CDK6: variants seen among roughly 807,000 people sequenced by gnomAD.
CDK6 encodes cyclin dependent kinase 6, also known as cyclin-dependent kinase 6.
Under a neutral mutation model 37.1 loss-of-function variants are expected in CDK6, and 6 were observed. The ratio of observed to expected loss-of-function variants is 0.16; its 90% CI spans 0.09 to 0.32. CDK6 has a LOEUF of 0.32. Ranked by LOEUF, CDK6 falls within the 10% of genes least tolerant of loss-of-function variation. CDK6 has a pLI of 1.00. For missense variants in CDK6, 224 were observed against 418.9 expected (o/e 0.53, Z 4.06); for synonymous variants, 160 against 161.3 (o/e 0.99, Z 0.06).
Position 92,613,756 on chromosome 7 carries a change from C to A in CDK6, c.*1384G>T, listed in dbSNP as rs2116473066. 4.3e-6 allele frequency: 1 copy of A among 233,054 alleles called. No individual in the cohort carries two copies. The highest frequency in any genetic ancestry group is 5.6e-5 in the Admixed American group (1 of 17,794). 14.4% of individuals were successfully genotyped at this position (233,054 alleles called of 1,614,324 possible). ...TAATTCACAAAGTAACAGTTTATAG[C>A]AATCTGTGTGCTGGTGATAAAACAA... On this transcript the variant is annotated 3_prime_UTR_variant, in exon 8 of 8. Coordinates refer to ENST00000424848, the MANE Select transcript of CDK6 (RefSeq NM_001145306.2).
intron 4 of CDK6, among the ~76,000 whole-genome samples, chr7:92,711,332 A>G (rs780712818): frequency 1.3e-5 from 2 of 152,130 alleles, no homozygotes; most frequent in Non-Finnish European, 2.9e-5. Context: ...ATAAATGGAA[A>G]CAAGTAAACA....
chr7:92,787,212 T>C (rs1464469160), intron 2 of CDK6, among the ~76,000 whole-genome samples: 1 of 150,060 alleles, frequency 6.7e-6, no homozygotes, highest in African/African-American at 2.4e-5. Flanking sequence ...AAAAAAAATG[T>C]AGCCAGTGGC....
At chr7:92,768,685 C>T (rs566609744) in intron 3 of CDK6, among the ~76,000 whole-genome samples, 2 of 152,110 alleles carry the variant, frequency 1.3e-5, no homozygotes, top group Non-Finnish European at 2.9e-5. Context: ...TTTGGGATCA[C>T]CTTATTATGC....
At chr7:92,808,219 CA>C (rs1301432186) in intron 2 of CDK6, among the ~76,000 whole-genome samples, 2 of 152,190 alleles carry the variant, frequency 1.3e-5, no homozygotes, top group African/African-American at 4.8e-5. Flanking sequence ...GAGTAAAATG[CA>C]AAGTGAACCA....
intron 4 of CDK6, among the ~76,000 whole-genome samples, chr7:92,672,175 A>T (rs1484473465): frequency 9.0e-6 from 1 of 111,482 alleles, no homozygotes; most frequent in Non-Finnish European, 1.8e-5. Flanking sequence ...ATACACACAC[A>T]CACACACAGA....
At chr7:92,666,962 A>G (rs1453752453) in intron 5 of CDK6, among the ~76,000 whole-genome samples, 5 of 152,146 alleles carry the variant, frequency 3.3e-5, no homozygotes, top group Non-Finnish European at 2.9e-5. Flanking sequence ...CATTGTTATC[A>G]CAGGGGATGA....
chr7:92,629,181 C>T (rs768147837), intron 5 of CDK6, among the ~76,000 whole-genome samples: 2 of 151,996 alleles, frequency 1.3e-5, no homozygotes, highest in Non-Finnish European at 1.5e-5. Flanking sequence ...TAGGAAAAAA[C>T]CTCTGCCAGG....
chr7:92,717,584 G>T (rs574185956), intron 4 of CDK6, among the ~76,000 whole-genome samples: 19 of 152,278 alleles, frequency 1.2e-4, no homozygotes, highest in Non-Finnish European at 2.5e-4. Flanking sequence ...GATAGATGCT[G>T]GCTGAACAAA....
rs1214588047 is a variant in CDK6 at position 92,834,395 on chromosome 7, C to A, written c.-367-705G>T. Among the ~76,000 whole-genome samples, 1 of 151,788 alleles carries A rather than the reference C, an allele frequency of 6.6e-6. No individual in the cohort carries two copies. Among genetic ancestry groups the A allele is most frequent in the Non-Finnish European group, 1.5e-5 (1 of 67,956 alleles). On this transcript the variant is annotated intron_variant, in intron 1 of 7. Transcript: ENST00000424848. The surrounding 1 kb of genome is among the most constrained non-coding windows in gnomAD (Gnocchi z 4.6). The stretch of plus-strand genomic sequence containing the variant: ...AGGAGTCTCGGTTGGAAACGGAATT[C>A]TCTCTCCGGCTGGGAGGACCTCCCT...
chr7:92,833,953 A>C lies in CDK6; in HGVS notation c.-367-263T>G, dbSNP rs1002571884. 5 of 398,270 alleles carry C rather than the reference A, an allele frequency of 1.3e-5. No homozygotes were observed. The highest frequency in any genetic ancestry group is 1.0e-4 in the African/African-American group (5 of 48,532). The allele number at this position is 398,270 out of a possible 1,614,324, so 24.7% of individuals were successfully genotyped here. ...CTCGGGGATGAGCGAGCGGCGCGGG[A>C]CGCAGTGGAACGGGAGGGGGCGTGC... On this transcript the variant is annotated intron_variant, in intron 1 of 7. Coordinates refer to ENST00000424848, the MANE Select transcript of CDK6 (RefSeq NM_001145306.2). This position sits in a 1 kb window ranked among gnomAD's most constrained non-coding sequence, Gnocchi z 6.1.
intron 3 of CDK6, among the ~76,000 whole-genome samples, chr7:92,745,673 T>C (rs1003063909): frequency 3.6e-4 from 55 of 152,158 alleles, no homozygotes; most frequent in African/African-American, 1.3e-3. Flanking sequence ...AGGTTGAGGG[T>C]AGAGTATTTG....
At chr7:92,811,771 C>T (rs961689343) in intron 2 of CDK6, among the ~76,000 whole-genome samples, 1 of 152,064 alleles carries the variant, frequency 6.6e-6, no homozygotes, top group African/African-American at 2.4e-5. Context: ...TCAAGTTCTG[C>T]CACCAATCCT....
intron 4 of CDK6, among the ~76,000 whole-genome samples, chr7:92,677,157 T>A (rs1030277984): frequency 6.6e-6 from 1 of 152,232 alleles, no homozygotes; most frequent in Non-Finnish European, 1.5e-5. Context: ...ACTTTATGCT[T>A]ACACTCTATT....
chr7:92,822,793 T>C (rs1813677467), intron 2 of CDK6, among the ~76,000 whole-genome samples: 1 of 152,146 alleles, frequency 6.6e-6, no homozygotes. Context: ...AATCTGAGTT[T>C]ACTCGTTCCA....
chr7:92,747,822 CA>C (rs1291285443), intron 3 of CDK6, among the ~76,000 whole-genome samples: 2 of 152,132 alleles, frequency 1.3e-5, no homozygotes, highest in Non-Finnish European at 2.9e-5. Flanking sequence ...TGCTGCTGCA[CA>C]AGGACTTACA....
intron 5 of CDK6, among the ~76,000 whole-genome samples, chr7:92,630,608 A>G (rs1396381388): frequency 6.6e-6 from 1 of 152,162 alleles, no homozygotes; most frequent in Non-Finnish European, 1.5e-5. Context: ...AGGCAAGTCA[A>G]GGATATGGTA....
intron 3 of CDK6, among the ~76,000 whole-genome samples, chr7:92,751,460 T>A (rs968439198): frequency 6.6e-6 from 1 of 152,158 alleles, no homozygotes; most frequent in Non-Finnish European, 1.5e-5. Context: ...GGAGAGAAGA[T>A]AATTTAACTG....
Position 92,833,343 on chromosome 7 carries a change from C to A in CDK6, c.-20G>T, listed in dbSNP as rs1178832767. ...CTCCATGCCGCCTGGACGCCGCCCG[C>A]CGCGGCGCCGCTGGGGCGGGCGGGG... On this transcript the variant is annotated 5_prime_UTR_variant, in exon 2 of 8. Coordinates refer to ENST00000424848, the MANE Select transcript of CDK6 (RefSeq NM_001145306.2). The surrounding 1 kb of genome is among the most constrained non-coding windows in gnomAD (Gnocchi z 6.1). 6.5e-6 allele frequency: 10 copies of A among 1,537,774 alleles called. No homozygotes were observed. The highest frequency in any genetic ancestry group is 1.4e-5 in the African/African-American group (1 of 72,538).
chr7:92,695,271 T>TAAA (rs61112739), intron 4 of CDK6, among the ~76,000 whole-genome samples: 1 of 99,616 alleles, frequency 1.0e-5, no homozygotes, highest in Non-Finnish European at 2.1e-5. Context: ...GACCCTGAGG[T>TAAA]AAAAAAAAAA....
Sources: gnomAD v4.1 joint callset for allele counts (sites outside exome capture counted in the v4.1 genomes callset) on GRCh38, gnomAD v4.1.1 for gene constraint, Gnocchi (gnomAD v3.1) non-coding constraint, MANE v1.5 for transcripts, NCBI Gene and HGNC (gene_info 2026-07-23, HGNC 2026-07-21) for gene names.